MCPH1: variants seen among roughly 807,000 people sequenced by gnomAD.
MCPH1 encodes microcephalin.
Under a neutral mutation model 84.5 loss-of-function variants are expected in MCPH1, and 104 were observed. The observed-to-expected ratio is 1.23, with a 90% CI of 1.05 to 1.45. The LOEUF is 1.45. MCPH1 is among the 40% of genes most tolerant of loss of function. The pLI is 0.00. For synonymous variants in MCPH1, 514 were observed against 366.8 expected, an observed-to-expected ratio of 1.40 and a Z score of -4.58; for missense variants, 1,498 against 1,005.7, an observed-to-expected ratio of 1.49 and a Z score of -6.62.
chr8:6,451,308 A>G (rs1189287605), intron 8 of MCPH1, among the ~76,000 whole-genome samples: 2 of 152,176 alleles, frequency 1.3e-5, no homozygotes, highest in Non-Finnish European at 2.9e-5. Context: ...TTCATTTTTT[A>G]TCTGTCAGAT....
intron 3 of MCPH1, among the ~76,000 whole-genome samples, chr8:6,427,304 G>C (rs1418904198): frequency 6.6e-6 from 1 of 152,150 alleles, no homozygotes; most frequent in Non-Finnish European, 1.5e-5. Flanking sequence ...CAGTACTATG[G>C]ACTTTATACA....
intron 11 of MCPH1, among the ~76,000 whole-genome samples, chr8:6,481,137 C>G (rs1809176827): frequency 6.6e-6 from 1 of 152,134 alleles, no homozygotes. Context: ...AAAGCAGAAG[C>G]AAGATTACAA....
chr8:6,472,384 CA>C (rs1440535035), intron 9 of MCPH1, among the ~76,000 whole-genome samples: 1 of 152,168 alleles, frequency 6.6e-6, no homozygotes. Flanking sequence ...CTAATTATTT[CA>C]AGCATCTGTT....
chr8:6,612,808 G>A (rs932259236), intron 12 of MCPH1, among the ~76,000 whole-genome samples: 1 of 152,236 alleles, frequency 6.6e-6, no homozygotes, highest in Non-Finnish European at 1.5e-5. Context: ...TGTGAACCCC[G>A]CAATTTCGTG....
intron 13 of MCPH1, among the ~76,000 whole-genome samples, chr8:6,637,218 T>C (rs983480282): frequency 6.6e-6 from 1 of 152,176 alleles, no homozygotes; most frequent in Non-Finnish European, 1.5e-5. Context: ...GACTTAACAT[T>C]TAAGAGAGAA....
At chr8:6,590,487 T>C (rs939719978) in intron 12 of MCPH1, among the ~76,000 whole-genome samples, 2 of 152,174 alleles carry the variant, frequency 1.3e-5, no homozygotes, top group South Asian at 2.1e-4. Flanking sequence ...CTCAAACTCA[T>C]GTCAGATGCC....
chr8:6,567,025 G>T (rs1826235199), intron 12 of MCPH1, among the ~76,000 whole-genome samples: 6 of 146,084 alleles, frequency 4.1e-5, no homozygotes, highest in Admixed American at 2.7e-4. Context: ...AGTGCACGCG[G>T]TGCGGTGACC....
chr8:6,575,202 C>G lies in MCPH1; in HGVS notation c.2215-46252C>G, dbSNP rs76463336. On this transcript the variant is annotated intron_variant, in intron 12 of 13. Transcript: ENST00000344683. ...TGGAAGCAGCAGGAAGACCTATTTT[C>G]CTGATTAATCTCAATGCCAGCCTCA... Among the ~76,000 whole-genome samples, 895 of 152,292 alleles carry G rather than the reference C, an allele frequency of 5.9e-3. 17 individuals are homozygous for G. Among genetic ancestry groups the G allele is most frequent in the African/African-American group, 0.021 (861 of 41,548 alleles).
intron 9 of MCPH1, among the ~76,000 whole-genome samples, chr8:6,455,599 C>G (rs1221003103): frequency 6.6e-6 from 1 of 152,164 alleles, no homozygotes; most frequent in Non-Finnish European, 1.5e-5. Flanking sequence ...AGAATCCAAA[C>G]ATTCATTCAC....
intron 12 of MCPH1, among the ~76,000 whole-genome samples, chr8:6,532,848 C>T (rs528264562): frequency 6.6e-6 from 1 of 152,184 alleles, no homozygotes; most frequent in Non-Finnish European, 1.5e-5. Context: ...TCCTACCCAG[C>T]TGCAACTCTG....
chr8:6,437,053 G>T (rs2922830), intron 5 of MCPH1, among the ~76,000 whole-genome samples: 2,236 of 152,180 alleles, frequency 0.015, 56 homozygotes, highest in African/African-American at 0.05. Context: ...GTCGTCTAAA[G>T]TCAGTATTTC....
At chr8:6,523,337 A>C (rs1817722078) in intron 12 of MCPH1, among the ~76,000 whole-genome samples, 1 of 152,154 alleles carries the variant, frequency 6.6e-6, no homozygotes, top group Non-Finnish European at 1.5e-5. Context: ...TGGTAAAATT[A>C]TGCCATGTAA....
chr8:6,499,912 C>T lies in MCPH1; in HGVS notation c.2197C>T (p.His733Tyr). ...TGAGGAGCCGTTCGAACTGTCTCAC[C>T]ACTTCCCTGCAGCTCCCGTAAGTCA... ...ISEEPFELSHHFPAAPLCRSE... is the reference protein window; with the variant it reads ...ISEEPFELSHYFPAAPLCRSE... Residue 733 changes from histidine to tyrosine, a missense_variant, in exon 12 of 14, where the codon CAC becomes TAC. Physicochemically the swap from His to Tyr is moderately conservative, Grantham distance 83. Transcript: ENST00000344683. 1.2e-6 allele frequency: 2 copies of T among 1,613,666 alleles called. No homozygotes were observed. Among genetic ancestry groups the T allele is most frequent in the Non-Finnish European group, 1.7e-6 (2 of 1,179,936 alleles).
chr8:6,480,825 G>A lies in MCPH1; in HGVS notation c.2085G>A (p.Leu695=), dbSNP rs771162185. 6.2e-7 allele frequency: 1 copy of A among 1,614,224 alleles called. No individual in the cohort carries two copies. Among genetic ancestry groups the A allele is most frequent in the Non-Finnish European group, 8.5e-7 (1 of 1,180,050 alleles). Residue 695 remains leucine (L), a synonymous_variant, in exon 11 of 14, where the codon CTG becomes CTA. Transcript: ENST00000344683. The part of the protein sequence containing the change: ...HVLSGKPLRT[L]NVLLGIARGC... Reference sequence around the variant, plus strand: ...TTTCCGGGAAGCCACTTCGCACCCTGAATGTGCTGCTGGGAATTGCGCGTG... The same window carrying A: ...TTTCCGGGAAGCCACTTCGCACCCTAAATGTGCTGCTGGGAATTGCGCGTG...
intron 3 of MCPH1, among the ~76,000 whole-genome samples, chr8:6,425,755 C>T (rs748198914): frequency 1.3e-5 from 2 of 152,184 alleles, no homozygotes; most frequent in Non-Finnish European, 2.9e-5. Context: ...CTCTGCTCCT[C>T]GGTTTTCTGT....
chr8:6,422,587 C>G (rs1800374916), intron 3 of MCPH1, among the ~76,000 whole-genome samples: 1 of 152,144 alleles, frequency 6.6e-6, no homozygotes, highest in Non-Finnish European at 1.5e-5. Flanking sequence ...TCTCTATCCC[C>G]TTTCTCTCTC....
At chr8:6,603,525 G>A (rs1371562041) in intron 12 of MCPH1, among the ~76,000 whole-genome samples, 2 of 152,112 alleles carry the variant, frequency 1.3e-5, no homozygotes, top group Non-Finnish European at 2.9e-5. Context: ...GCCTTTATAT[G>A]AATTTAGCTA....
chr8:6,455,226 T>C lies in MCPH1; in HGVS notation c.1909T>C (p.Leu637=), dbSNP rs200346036. Residue 637 remains leucine (L), a synonymous_variant, in exon 9 of 14, where the codon TTG becomes CTG. Transcript: ENST00000344683. ...GGACCTCATCAAACCTCATGAGGAA[T>C]TGAAGAAAAGTGGGAGAGGCAAAAA... ...FKDLIKPHEE[L]KKSGRGKKPT... is the part of the protein sequence containing the mutation. 33 of 1,613,804 alleles carry C rather than the reference T, an allele frequency of 2.0e-5. No homozygotes were observed. The African/African-American group carries it at 2.5e-4, about 12-fold the overall frequency.
chr8:6,555,937 G>T (rs1348917129), intron 12 of MCPH1, among the ~76,000 whole-genome samples: 2 of 152,162 alleles, frequency 1.3e-5, no homozygotes, highest in Non-Finnish European at 2.9e-5. Context: ...ACATAGAAGG[G>T]CTGGCATCTC....
Sources: gnomAD v4.1 joint callset for allele counts (sites outside exome capture counted in the v4.1 genomes callset) on GRCh38, gnomAD v4.1.1 for gene constraint, MANE v1.5 for transcripts, NCBI Gene and HGNC (gene_info 2026-07-23, HGNC 2026-07-21) for gene names.